The following HDAC9 variants were observed in gnomAD, a reference collection of about 807,000 sequenced individuals.
The protein encoded by HDAC9 is histone deacetylase 9, also known as MEF-2 interacting transcription repressor (MITR) protein.
HDAC9 carries 41 observed loss-of-function variants against 139.4 expected under a neutral mutation model. The observed-to-expected ratio is 0.29, with a 90% confidence interval of 0.23 to 0.38. The LOEUF (loss-of-function observed/expected upper bound fraction) is 0.38. HDAC9 is among the 10% of genes least tolerant of loss of function. HDAC9 has a pLI of 1.00. For missense variants in HDAC9, 1,147 were observed against 1,297.0 expected (o/e 0.88, Z 1.78); for synonymous variants, 517 against 476.2 (o/e 1.09, Z -1.12).
intron 14 of HDAC9, 97 bp downstream of exon 14, chr7:18,749,235 T>C: frequency 8.1e-7 from 1 of 1,229,538 alleles, no homozygotes; most frequent in South Asian, 1.4e-5. Context: ...ATTAACCATA[T>C]AGTGCAAACA....
chr7:18,215,154 A>G (rs1792212356), intron 2 of HDAC9, among the ~76,000 whole-genome samples: 1 of 152,276 alleles, frequency 6.6e-6, no homozygotes, highest in South Asian at 2.1e-4. Context: ...AGACAATTTT[A>G]TATCCAAACA....
At chr7:18,328,618 G>A (rs1800654476) in intron 1 of HDAC9, among the ~76,000 whole-genome samples, 1 of 151,830 alleles carries the variant, frequency 6.6e-6, no homozygotes, top group South Asian at 2.1e-4. Flanking sequence ...TGCAGATATT[G>A]AACCATCCTT....
intron 12 of HDAC9, among the ~76,000 whole-genome samples, chr7:18,697,877 G>A (rs1356309927): frequency 1.3e-5 from 2 of 152,030 alleles, no homozygotes; most frequent in African/African-American, 4.8e-5. Flanking sequence ...GAATTTTAGG[G>A]AGGCATGATG....
intron 1 of HDAC9, among the ~76,000 whole-genome samples, chr7:18,449,497 TGTG>T (rs1030568645): frequency 8.5e-5 from 13 of 152,162 alleles, no homozygotes; most frequent in African/African-American, 3.1e-4. Flanking sequence ...GGAGTGCTGT[TGTG>T]GTGTTCAAAT....
chr7:18,837,808 G>A (rs1796335212), intron 21 of HDAC9, among the ~76,000 whole-genome samples: 1 of 152,178 alleles, frequency 6.6e-6, no homozygotes, highest in South Asian at 2.1e-4. Context: ...CAGATATTAA[G>A]TGCACATATT....
intron 9 of HDAC9, among the ~76,000 whole-genome samples, chr7:18,647,053 G>A (rs1787643630): frequency 6.6e-6 from 1 of 152,082 alleles, no homozygotes; most frequent in Non-Finnish European, 1.5e-5. Flanking sequence ...ACAGCTCTGT[G>A]AAATTATTAG....
At chr7:18,964,255 T>G (rs569821342) in intron 24 of HDAC9, among the ~76,000 whole-genome samples, 3 of 152,324 alleles carry the variant, frequency 2.0e-5, no homozygotes, top group African/African-American at 7.2e-5. Flanking sequence ...TTCATATATT[T>G]TTTCCTGCTA....
intron 17 of HDAC9, among the ~76,000 whole-genome samples, chr7:18,811,992 T>A (rs117223099): frequency 6.6e-6 from 1 of 151,906 alleles, no homozygotes; most frequent in Non-Finnish European, 1.5e-5. Flanking sequence ...AATATACACA[T>A]GTAGCTTATG....
chr7:18,670,975 C>G (rs1176532819), intron 12 of HDAC9, among the ~76,000 whole-genome samples: 2 of 150,640 alleles, frequency 1.3e-5, no homozygotes, highest in Non-Finnish European at 3.0e-5. Flanking sequence ...CTTCTTTTTT[C>G]TGACCATAGC....
In HDAC9 at chr7:18,829,442, GTTC is replaced by G. The variant is rs1383223830; in HGVS notation, c.2379-14_2379-12del. 3.2e-6 allele frequency: 5 copies of G among 1,566,298 alleles called. No individual in the cohort carries two copies. Among genetic ancestry groups the G allele is most frequent in the South Asian group, 1.1e-5 (1 of 89,138 alleles). ...GGATGATTTGCTTTCTTATTTCTCT[GTTC>G]TTCTCTATTCCGCAGGGGGTTCTGC... On this transcript the variant is annotated splice_polypyrimidine_tract_variant and intron_variant, in intron 18 of 25. Transcript: ENST00000686413.
chr7:18,915,790 A>G (rs1803139843), intron 22 of HDAC9, among the ~76,000 whole-genome samples: 1 of 152,022 alleles, frequency 6.6e-6, no homozygotes. Context: ...AACAACAACA[A>G]CAACAACAAC....
rs1798918913 is a variant in HDAC9, at chr7:18,871,582, CAT to C, written c.2685-2895_2685-2894del. 2.0e-5 allele frequency among the ~76,000 whole-genome samples: 3 copies of C among 152,260 alleles called. 1 individual carries two copies. Among genetic ancestry groups the C allele is most frequent in the South Asian group, 4.1e-4 (2 of 4,830 alleles). On this transcript the variant is annotated intron_variant, in intron 21 of 25. Transcript: ENST00000686413. ...GATATTGGAAAAGATGAGAGGCAAACATGTATTCTTTGTTTGCTAACTTTAAT... is the reference window on the plus strand; with the variant it reads ...GATATTGGAAAAGATGAGAGGCAAACGTATTCTTTGTTTGCTAACTTTAAT...
chr7:18,604,739 C>A (rs1272694422), intron 6 of HDAC9, among the ~76,000 whole-genome samples: 1 of 152,096 alleles, frequency 6.6e-6, no homozygotes, highest in East Asian at 1.9e-4. Flanking sequence ...TTTTGATCTC[C>A]AGCATTCCCT....
chr7:18,695,322 A>T (rs552253669), intron 12 of HDAC9, among the ~76,000 whole-genome samples: 113 of 152,338 alleles, frequency 7.4e-4, no homozygotes, highest in Non-Finnish European at 1.5e-3. Context: ...AGGAGGGAAT[A>T]TTGGAATCAT....
chr7:18,519,804 A>G (rs755956294), intron 2 of HDAC9, among the ~76,000 whole-genome samples: 1 of 152,160 alleles, frequency 6.6e-6, no homozygotes, highest in African/African-American at 2.4e-5. Flanking sequence ...GATATTTATC[A>G]GCAGTTTTAT....
intron 1 of HDAC9, among the ~76,000 whole-genome samples, chr7:18,339,356 G>A (rs966055818): frequency 2.0e-5 from 3 of 151,380 alleles, no homozygotes; most frequent in Admixed American, 1.3e-4. Context: ...GGAAGCTGAA[G>A]CAATTGGCTT....
chr7:18,358,071 C>T (rs1585350093), intron 1 of HDAC9, among the ~76,000 whole-genome samples: 1 of 152,120 alleles, frequency 6.6e-6, no homozygotes, highest in Non-Finnish European at 1.5e-5. Flanking sequence ...CACCTGTAAT[C>T]CCAGCTACTC....
At chr7:18,091,599 C>A (rs1782151011) in intron 1 of HDAC9, among the ~76,000 whole-genome samples, 1 of 152,198 alleles carries the variant, frequency 6.6e-6, no homozygotes, top group Admixed American at 6.5e-5. Flanking sequence ...TGCTGTGTAA[C>A]ACATTTCCAC....
At chr7:18,456,043 T>C (rs1443973475) in intron 1 of HDAC9, among the ~76,000 whole-genome samples, 1 of 152,172 alleles carries the variant, frequency 6.6e-6, no homozygotes. Flanking sequence ...ATCTCTAAAA[T>C]TTTCTTGGGA....
Sources: allele counts gnomAD v4.1 joint callset (sites outside exome capture counted in the v4.1 genomes callset), GRCh38; gene constraint gnomAD v4.1.1; transcripts MANE v1.5; gene names NCBI Gene and HGNC (gene_info 2026-07-23, HGNC 2026-07-21).